The following FBXW7 variants were observed in gnomAD, a reference collection of about 807,000 sequenced individuals.
FBXW7 encodes F-box/WD repeat-containing protein 7.
A neutral mutation model predicts 86.3 loss-of-function variants in FBXW7; 11 were observed. That is an observed-to-expected ratio of 0.13 (90% CI 0.08 to 0.21). FBXW7 has a LOEUF of 0.21. Ranked by LOEUF, FBXW7 falls within the 10% of genes least tolerant of loss-of-function variation. The pLI is 1.00. For missense variants in FBXW7, 488 were observed against 847.4 expected, an observed-to-expected ratio of 0.58 and a Z score of 5.27; for synonymous variants, 313 against 297.9, an observed-to-expected ratio of 1.05 and a Z score of -0.52.
At chr4:152,368,233 G>C (rs569971753) in intron 4 of FBXW7, among the ~76,000 whole-genome samples, 1 of 152,210 alleles carries the variant, frequency 6.6e-6, no homozygotes, top group East Asian at 1.9e-4. Context: ...GTATGGTAAT[G>C]AGCATGAGCA....
At chr4:152,338,098 G>A (rs962108957) in intron 6 of FBXW7, 162 bp from the exon 7 acceptor site, 2 of 446,454 alleles carry the variant, frequency 4.5e-6, no homozygotes, top group Non-Finnish European at 3.8e-6. Context: ...CATTGAAGAA[G>A]GCATTTAATT....
At chr4:152,499,923 C>T (rs1450751293) in intron 2 of FBXW7, among the ~76,000 whole-genome samples, 2 of 152,076 alleles carry the variant, frequency 1.3e-5, no homozygotes, top group African/African-American at 2.4e-5. Flanking sequence ...AAAAAGAATT[C>T]AAGTCAGTGC....
chr4:152,438,445 A>C (rs1201785275), intron 2 of FBXW7, among the ~76,000 whole-genome samples: 1 of 152,074 alleles, frequency 6.6e-6, no homozygotes, highest in Non-Finnish European at 1.5e-5. Flanking sequence ...TGGGAGGCCA[A>C]GCCAGGTGGA....
chr4:152,435,715 T>G (rs1014831548), intron 2 of FBXW7, among the ~76,000 whole-genome samples: 1 of 152,242 alleles, frequency 6.6e-6, no homozygotes, highest in African/African-American at 2.4e-5. Context: ...GACTGCAGTT[T>G]ACTGCACTTC....
intron 2 of FBXW7, among the ~76,000 whole-genome samples, chr4:152,475,342 A>G (rs983080738): frequency 1.3e-5 from 2 of 151,990 alleles, no homozygotes; most frequent in Non-Finnish European, 2.9e-5. Context: ...CAGGAAGACC[A>G]CTTGGGCCCA....
intron 7 of FBXW7, among the ~76,000 whole-genome samples, chr4:152,335,030 C>T (rs1729932283): frequency 6.6e-6 from 1 of 152,030 alleles, no homozygotes; most frequent in African/African-American, 2.4e-5. Flanking sequence ...AACTGCCAAG[C>T]CAAAAAGAGA....
chr4:152,329,898 T>G, intron 9 of FBXW7, 113 bp from the exon 10 acceptor site: 1 of 491,340 alleles, frequency 2.0e-6, no homozygotes, highest in Non-Finnish European at 3.4e-6. Context: ...AGTCTATCTC[T>G]AGAATTTAAA....
intron 2 of FBXW7, among the ~76,000 whole-genome samples, chr4:152,490,746 C>G (rs2149684052): frequency 6.6e-6 from 1 of 152,202 alleles, no homozygotes; most frequent in Admixed American, 6.6e-5. Context: ...TAGTGTGTAT[C>G]TGCATTAAGG....
chr4:152,531,008 T>A (rs139785981), intron 2 of FBXW7, among the ~76,000 whole-genome samples: 1 of 152,160 alleles, frequency 6.6e-6, no homozygotes, highest in African/African-American at 2.4e-5. Flanking sequence ...ATCTCCAAAG[T>A]ACAATGAAAT....
chr4:152,330,492 T>A (rs2126531067), intron 9 of FBXW7, among the ~76,000 whole-genome samples: 1 of 152,124 alleles, frequency 6.6e-6, no homozygotes. Flanking sequence ...AGATTTTCAT[T>A]TACGTAAGAT....
intron 4 of FBXW7, among the ~76,000 whole-genome samples, chr4:152,364,949 C>T (rs1409315280): frequency 6.6e-6 from 1 of 152,136 alleles, no homozygotes; most frequent in Admixed American, 6.6e-5. Flanking sequence ...TACTTAGTTG[C>T]CTAACATAAG....
At chr4:152,385,367 A>C (rs1389520117) in intron 4 of FBXW7, among the ~76,000 whole-genome samples, 1 of 152,032 alleles carries the variant, frequency 6.6e-6, no homozygotes. Context: ...TAATGTATTC[A>C]ATATTATAAA....
chr4:152,368,312 C>T (rs1733684815), intron 4 of FBXW7, among the ~76,000 whole-genome samples: 1 of 152,062 alleles, frequency 6.6e-6, no homozygotes, highest in Non-Finnish European at 1.5e-5. Context: ...TTCAATGAAG[C>T]AGTTGTAGCA....
intron 2 of FBXW7, among the ~76,000 whole-genome samples, chr4:152,478,987 G>C (rs1454987845): frequency 6.6e-6 from 1 of 152,060 alleles, no homozygotes; most frequent in African/African-American, 2.4e-5. Context: ...TGAGTCAACT[G>C]TTATTCTCAG....
chr4:152,412,007 TC>T (rs1243245240), intron 3 of FBXW7, 135 bp from the exon 4 acceptor site: 8 of 770,404 alleles, frequency 1.0e-5, no homozygotes, highest in Admixed American at 6.7e-5. Flanking sequence ...ATTAAAATGT[TC>T]TTTAGTAAAC....
At chr4:152,410,160 T>G (rs1737811206) in intron 4 of FBXW7, among the ~76,000 whole-genome samples, 1 of 152,194 alleles carries the variant, frequency 6.6e-6, no homozygotes, top group South Asian at 2.1e-4. Flanking sequence ...TTGAACCTCT[T>G]TCTGAAATAA....
intron 2 of FBXW7, among the ~76,000 whole-genome samples, chr4:152,523,644 G>C (rs1749211826): frequency 6.6e-6 from 1 of 152,144 alleles, no homozygotes; most frequent in Admixed American, 6.5e-5. Flanking sequence ...TGAAGCTGGA[G>C]ACAATAAAGC....
intron 2 of FBXW7, among the ~76,000 whole-genome samples, chr4:152,519,335 G>T (rs1330091803): frequency 6.6e-6 from 1 of 151,762 alleles, no homozygotes; most frequent in East Asian, 1.9e-4. Context: ...AAGAAAGAAA[G>T]AATAATCAGA....
chr4:152,534,542 T>G (rs1750314305), intron 2 of FBXW7, among the ~76,000 whole-genome samples: 1 of 152,188 alleles, frequency 6.6e-6, no homozygotes. Flanking sequence ...TAAGTAGTTC[T>G]CATTCGGGAA....
Sources: gnomAD v4.1 joint callset for allele counts (sites outside exome capture counted in the v4.1 genomes callset) on GRCh38, gnomAD v4.1.1 for gene constraint, MANE v1.5 for transcripts, NCBI Gene and HGNC (gene_info 2026-07-23, HGNC 2026-07-21) for gene names.